Variants in RBM27 observed in about 807,000 individuals in gnomAD.
The protein encoded by RBM27 is RNA-binding protein 27.
In RBM27, 22 loss-of-function variants were observed where a neutral mutation model predicts 135.3. The observed-to-expected ratio is 0.16, with a 90% CI of 0.12 to 0.23. The LOEUF is 0.23. RBM27 is among the 10% of genes least tolerant of loss of function. RBM27 has a pLI of 1.00. For synonymous variants in RBM27, 481 were observed against 442.4 expected (o/e 1.09, Z -1.10); for missense variants, 1,009 against 1,281.0 (o/e 0.79, Z 3.24).
intron 8 of RBM27, among the ~76,000 whole-genome samples, chr5:146,243,463 G>A (rs1222904910): frequency 6.6e-6 from 1 of 152,040 alleles, no homozygotes; most frequent in Non-Finnish European, 1.5e-5. Flanking sequence ...ACTCATTGAA[G>A]CATTTTGGAT....
intron 14 of RBM27, among the ~76,000 whole-genome samples, chr5:146,265,383 A>G (rs1361506898): frequency 6.6e-6 from 1 of 152,206 alleles, no homozygotes. Context: ...AAGTAGAGGC[A>G]CTGAACACAG....
In RBM27 at chr5:146,287,667, A is replaced by T; in HGVS notation, c.*1637A>T. 1 of 152,168 alleles carries T rather than the reference A, an allele frequency of 6.6e-6. No homozygotes were observed. The highest frequency in any genetic ancestry group is 2.1e-4 in the South Asian group (1 of 4,836). 9.4% of individuals were successfully genotyped at this position (152,168 alleles called of 1,614,324 possible). A position where few individuals can be genotyped will look rare whatever the true frequency, so the allele number is the denominator to read the frequency against. Reference sequence around the variant, plus strand: ...ATAAGAAGTTAAATCCCACGTTCTGATAATCTTTATTCTTCTACATGTTTT... The same window carrying T: ...ATAAGAAGTTAAATCCCACGTTCTGTTAATCTTTATTCTTCTACATGTTTT... On this transcript the variant is annotated 3_prime_UTR_variant, in exon 21 of 21. Transcript: ENST00000265271.
chr5:146,225,754 T>TGGG (rs1756646007), intron 3 of RBM27, among the ~76,000 whole-genome samples: 1 of 151,862 alleles, frequency 6.6e-6, no homozygotes, highest in Non-Finnish European at 1.5e-5. Flanking sequence ...TTAATAGAGA[T>TGGG]GGGGTTTCAC....
chr5:146,203,676 G>A lies in RBM27; in HGVS notation c.-90G>A. 6.5e-6 allele frequency: 8 copies of A among 1,222,478 alleles called. No homozygotes were observed. The highest frequency in any genetic ancestry group is 9.4e-6 in the Non-Finnish European group (8 of 853,788). The allele number at this position is 1,222,478 out of a possible 1,614,324, so 75.7% of individuals were successfully genotyped here. ...GATGCCCGGTGGGCTGGGGCACCGG[G>A]AGCTGTGAAGGGAACGTGAGGGGGC... is the stretch of plus-strand genomic sequence containing the variant. On this transcript the variant is annotated 5_prime_UTR_variant, in exon 1 of 21. Coordinates refer to ENST00000265271, the MANE Select transcript of RBM27 (RefSeq NM_018989.2).
At chr5:146,277,786 G>A (rs1379563352) in intron 19 of RBM27, among the ~76,000 whole-genome samples, 1 of 151,610 alleles carries the variant, frequency 6.6e-6, no homozygotes, top group Non-Finnish European at 1.5e-5. Context: ...TCCCACCTCG[G>A]CCTCCCAAAG....
intron 19 of RBM27, among the ~76,000 whole-genome samples, chr5:146,279,833 C>T (rs1759255580): frequency 6.7e-6 from 1 of 149,302 alleles, no homozygotes; most frequent in South Asian, 2.1e-4. Flanking sequence ...AAAAGTATGA[C>T]TAATAAAAGT....
At chr5:146,229,621 C>A in intron 4 of RBM27, 96 bp from the exon 5 acceptor site, 1 of 993,366 alleles carries the variant, frequency 1.0e-6, no homozygotes, top group Non-Finnish European at 1.5e-6. Flanking sequence ...CATAGATATG[C>A]ATTTGGATGA....
At chr5:146,240,346 A>G (rs1455239542) in intron 8 of RBM27, among the ~76,000 whole-genome samples, 2 of 151,448 alleles carry the variant, frequency 1.3e-5, no homozygotes, top group African/African-American at 4.9e-5. Context: ...CTGTCTGTCT[A>G]TCTAGAGTCT....
rs755720149 is a variant in RBM27, at chr5:146,254,941, A to G, written c.1445-2A>G. 1 of 1,561,918 alleles carries G rather than the reference A, an allele frequency of 6.4e-7. No individual in the cohort carries two copies. The highest frequency in any genetic ancestry group is 1.2e-5 in the South Asian group (1 of 85,614). The stretch of plus-strand genomic sequence containing the variant: ...GTGTTTTGTTGCTTTGTTTTCCCTC[A>G]GATACATATGAACCAGATGGTTACA... On this transcript the variant is annotated splice_acceptor_variant, in intron 9 of 20. Transcript: ENST00000265271. LOFTEE classifies it high-confidence loss of function.
At chr5:146,217,001 C>G (rs1452963007) in intron 1 of RBM27, among the ~76,000 whole-genome samples, 1 of 151,334 alleles carries the variant, frequency 6.6e-6, no homozygotes, top group Non-Finnish European at 1.5e-5. Context: ...GAGTCTCGCT[C>G]TGTTGCCCAG....
At chr5:146,271,109 G>A (rs755982208) in intron 18 of RBM27, 51 bp downstream of exon 18, 58 of 1,452,922 alleles carry the variant, frequency 4.0e-5, no homozygotes, top group Non-Finnish European at 5.4e-5. Context: ...TCTCAAAAAA[G>A]TTTTCCTTTG....
chr5:146,248,377 T>C (rs1757726572), intron 8 of RBM27, among the ~76,000 whole-genome samples: 1 of 152,134 alleles, frequency 6.6e-6, no homozygotes, highest in Non-Finnish European at 1.5e-5. Context: ...TCTAAAGAAC[T>C]CTGTTGCTTT....
intron 20 of RBM27, among the ~76,000 whole-genome samples, 161 bp from the exon 21 acceptor site, chr5:146,285,786 T>C (rs1176399519): frequency 6.7e-6 from 1 of 148,552 alleles, no homozygotes; most frequent in African/African-American, 2.6e-5. Context: ...CAAAAATATT[T>C]TGGGCTTTTT....
intron 7 of RBM27, among the ~76,000 whole-genome samples, chr5:146,236,335 C>T (rs547531624): frequency 7.2e-5 from 11 of 152,284 alleles, no homozygotes; most frequent in African/African-American, 1.7e-4. Context: ...TTGCAGACAT[C>T]GTACACTTAA....
At position 146,261,587 on chromosome 5, in the gene RBM27, C is replaced by T. The variant is rs765384846; in HGVS notation, c.1971C>T (p.Ser657=). The T allele has an allele frequency of 3.7e-6, 6 of 1,614,086 alleles. No homozygotes were observed. Among genetic ancestry groups the T allele is most frequent in the Admixed American group, 3.3e-5 (2 of 59,996 alleles). The stretch of plus-strand genomic sequence containing the variant: ...AGGAGGCCAGGAAAGCCATTTCTAG[C>T]ACAGAAGCAGTTCTAAACAACCGAT... ...TNEEARKAIS[S]TEAVLNNRFI... is the part of the protein sequence containing the mutation. Residue 657 remains serine, a synonymous_variant, in exon 13 of 21, where the codon AGC becomes AGT. Coordinates refer to ENST00000265271, the MANE Select transcript of RBM27 (RefSeq NM_018989.2).
intron 7 of RBM27, among the ~76,000 whole-genome samples, chr5:146,234,958 T>A (rs1041477899): frequency 2.0e-5 from 3 of 151,502 alleles, no homozygotes; most frequent in South Asian, 4.2e-4. Flanking sequence ...GGCTTGAGCC[T>A]GGGAGACAGG....
intron 1 of RBM27, among the ~76,000 whole-genome samples, chr5:146,218,735 T>C (rs1230456462): frequency 6.6e-6 from 1 of 152,184 alleles, no homozygotes; most frequent in East Asian, 1.9e-4. Context: ...AATGTAGAGC[T>C]CGCCCAAGAT....
At chr5:146,242,181 G>T (rs925437887) in intron 8 of RBM27, among the ~76,000 whole-genome samples, 3 of 152,164 alleles carry the variant, frequency 2.0e-5, no homozygotes, top group African/African-American at 7.2e-5. Flanking sequence ...AAGCAGTTGT[G>T]CCTTGGCCTC....
intron 8 of RBM27, among the ~76,000 whole-genome samples, chr5:146,249,795 C>A (rs1397618033): frequency 6.7e-6 from 1 of 149,580 alleles, no homozygotes; most frequent in East Asian, 1.9e-4. Context: ...CTTTTTTTTC[C>A]CCATCAACTT....
Sources: allele counts gnomAD v4.1 joint callset (sites outside exome capture counted in the v4.1 genomes callset), GRCh38; gene constraint gnomAD v4.1.1; transcripts MANE v1.5; gene names NCBI Gene and HGNC (gene_info 2026-07-23, HGNC 2026-07-21).